KLB: variants seen among roughly 807,000 people sequenced by gnomAD.
KLB encodes the protein beta-klotho.
A neutral mutation model predicts 88.4 loss-of-function variants in KLB; 44 were observed. The observed-to-expected ratio is 0.50, with a 90% CI of 0.39 to 0.64. The LOEUF is 0.64. Among genes scored for constraint, KLB ranks in the 30% least tolerant of loss-of-function variants. KLB has a pLI of 0.00. For missense variants in KLB, 1,137 were observed against 1,304.8 expected, an observed-to-expected ratio of 0.87 and a Z score of 1.98; for synonymous variants, 548 against 513.4, an observed-to-expected ratio of 1.07 and a Z score of -0.91.
chr4:39,434,552 C>G lies in KLB; in HGVS notation c.1168C>G (p.Gln390Glu). Residue 390 changes from glutamine (Q) to glutamate (E), a missense_variant, in exon 2 of 5, where the codon CAA (glutamine) becomes GAA (glutamate). By Grantham distance (29) the Gln-to-Glu change is conservative. Coordinates refer to ENST00000257408, the MANE Select transcript of KLB (RefSeq NM_175737.4). ...KPLNTMAKMG[Q>E]NVSLNLREAL... ...CCTAAACACCATGGCTAAAATGGGA[C>G]AAAATGTTTCACTTAATTTAAGAGA... The G allele has an allele frequency of 6.2e-7, 1 of 1,614,114 alleles. No homozygotes were observed. The highest frequency in any genetic ancestry group is 8.5e-7 in the Non-Finnish European group (1 of 1,180,008).
intron 1 of KLB, among the ~76,000 whole-genome samples, chr4:39,420,323 T>C (rs1743054047): frequency 6.6e-6 from 1 of 152,202 alleles, no homozygotes; most frequent in African/African-American, 2.4e-5. Context: ...GTATAATACA[T>C]GACTCCTCCT....
At chr4:39,412,182 C>T (rs1415471200) in intron 1 of KLB, among the ~76,000 whole-genome samples, 1 of 151,808 alleles carries the variant, frequency 6.6e-6, no homozygotes, top group Non-Finnish European at 1.5e-5. Flanking sequence ...ATCCGTGTAA[C>T]CAAAAACCAC....
At chr4:39,443,693 G>A (rs909460019) in intron 3 of KLB, among the ~76,000 whole-genome samples, 13 of 149,930 alleles carry the variant, frequency 8.7e-5, no homozygotes, top group African/African-American at 2.5e-4. Context: ...CCTCAGAGAC[G>A]GAGGTTGCAG....
chr4:39,420,913 A>T (rs1461555418), intron 1 of KLB, among the ~76,000 whole-genome samples: 1 of 152,046 alleles, frequency 6.6e-6, no homozygotes, highest in Non-Finnish European at 1.5e-5. Flanking sequence ...TTCTTTCCTT[A>T]CTCCCTAACC....
At chr4:39,444,014 A>G (rs1208870675) in intron 3 of KLB, among the ~76,000 whole-genome samples, 2 of 151,940 alleles carry the variant, frequency 1.3e-5, no homozygotes, top group African/African-American at 4.8e-5. Context: ...AAAACTAGCC[A>G]GGCATGGTGG....
intron 1 of KLB, among the ~76,000 whole-genome samples, chr4:39,419,773 CAAAAAA>C (rs35079093): frequency 1.4e-5 from 1 of 71,274 alleles, no homozygotes; most frequent in East Asian, 4.1e-4. Flanking sequence ...AATTCCATCT[CAAAAAA>C]AAAAAAAAAA....
chr4:39,412,512 C>T (rs1742876734), intron 1 of KLB, among the ~76,000 whole-genome samples: 3 of 152,198 alleles, frequency 2.0e-5, no homozygotes, highest in South Asian at 2.1e-4. Flanking sequence ...GATCATAACA[C>T]ACTACTGCCA....
chr4:39,438,201 G>A (rs1044524690), intron 3 of KLB, among the ~76,000 whole-genome samples: 1 of 152,182 alleles, frequency 6.6e-6, no homozygotes, highest in Admixed American at 6.5e-5. Flanking sequence ...CTCATAATTG[G>A]TGATGGAGAT....
intron 1 of KLB, among the ~76,000 whole-genome samples, chr4:39,408,671 G>A (rs1267619263): frequency 6.6e-6 from 1 of 151,982 alleles, no homozygotes; most frequent in Non-Finnish European, 1.5e-5. Flanking sequence ...TTGTGGACAT[G>A]GATTTTTTAA....
intron 1 of KLB, among the ~76,000 whole-genome samples, chr4:39,433,614 C>T (rs1172891554): frequency 6.6e-6 from 1 of 152,150 alleles, no homozygotes. Context: ...AATCCCAACA[C>T]TTTGGGAGGC....
At chr4:39,444,707 A>G (rs1350356858) in intron 3 of KLB, among the ~76,000 whole-genome samples, 2 of 152,210 alleles carry the variant, frequency 1.3e-5, no homozygotes, top group Non-Finnish European at 2.9e-5. Context: ...TCCTTTCAAT[A>G]CCATGATGTT....
rs1004293031 is a variant in KLB at position 39,450,951 on chromosome 4, T to C, written c.*2265T>C. The stretch of plus-strand genomic sequence containing the variant: ...TTTCTCTTTCTCACTTTGTTTAAAG[T>C]ATCTCGTACTCACAGTTCACAAATT... On this transcript the variant is annotated 3_prime_UTR_variant, in exon 5 of 5. Transcript: ENST00000257408. 5 of 152,094 alleles carry C rather than the reference T, an allele frequency of 3.3e-5. No individual in the cohort carries two copies. The highest frequency in any genetic ancestry group is 9.7e-5 in the African/African-American group (4 of 41,410). 9.4% of individuals were successfully genotyped at this position (152,094 alleles called of 1,614,324 possible).
At chr4:39,445,504 C>CCTT (rs1743717703) in intron 3 of KLB, among the ~76,000 whole-genome samples, 1 of 131,724 alleles carries the variant, frequency 7.6e-6, no homozygotes, top group Admixed American at 8.0e-5. Context: ...CTTTTCTTTT[C>CCTT]TTTTTTTTTT....
At chr4:39,434,801 T>A in intron 2 of KLB, 81 bp downstream of exon 2, 1 of 1,109,434 alleles carries the variant, frequency 9.0e-7, no homozygotes, top group Non-Finnish European at 1.3e-6. Context: ...TATGTAACTA[T>A]TATTGTTGGG....
intron 1 of KLB, among the ~76,000 whole-genome samples, chr4:39,428,546 A>G (rs1743271179): frequency 6.6e-6 from 1 of 152,332 alleles, no homozygotes; most frequent in South Asian, 2.1e-4. Context: ...TGAAACATTT[A>G]TGACAGGAAA....
intron 1 of KLB, among the ~76,000 whole-genome samples, chr4:39,431,488 T>C (rs1173640789): frequency 6.6e-6 from 1 of 151,550 alleles, no homozygotes; most frequent in Non-Finnish European, 1.5e-5. Context: ...CGACCTCAGG[T>C]GATCCGCCCG....
At chr4:39,429,688 C>T (rs1416761109) in intron 1 of KLB, among the ~76,000 whole-genome samples, 1 of 152,186 alleles carries the variant, frequency 6.6e-6, no homozygotes, top group Non-Finnish European at 1.5e-5. Flanking sequence ...TGCAAGGTTG[C>T]AGGGCCCAGG....
At chr4:39,427,997 TAG>T (rs1743257630) in intron 1 of KLB, among the ~76,000 whole-genome samples, 1 of 152,164 alleles carries the variant, frequency 6.6e-6, no homozygotes, top group South Asian at 2.1e-4. Context: ...GGTAGATGAG[TAG>T]CACCTTTATA....
intron 1 of KLB, among the ~76,000 whole-genome samples, chr4:39,426,498 G>A (rs1430902735): frequency 6.7e-6 from 1 of 149,116 alleles, no homozygotes; most frequent in Non-Finnish European, 1.5e-5. Context: ...ATGAAAGGCT[G>A]TAACTTTTGT....
Sources: allele counts gnomAD v4.1 joint callset (sites outside exome capture counted in the v4.1 genomes callset), GRCh38; gene constraint gnomAD v4.1.1; transcripts MANE v1.5; gene names NCBI Gene and HGNC (gene_info 2026-07-23, HGNC 2026-07-21).